The following NXPH2 variants were observed in gnomAD, a reference collection of about 807,000 sequenced individuals.
NXPH2 encodes the protein neurexophilin 2.
NXPH2 carries 5 observed loss-of-function variants against 19.8 expected under a neutral mutation model. The ratio of observed to expected loss-of-function variants is 0.25; its 90% confidence interval spans 0.13 to 0.53. NXPH2 has a LOEUF of 0.53. NXPH2 is among the 20% of genes least tolerant of loss of function. NXPH2 has a pLI of 0.96. For synonymous variants in NXPH2, 154 were observed against 127.4 expected, an observed-to-expected ratio of 1.21 and a Z score of -1.41; for missense variants, 289 against 322.8, an observed-to-expected ratio of 0.90 and a Z score of 0.80.
At chr2:138,727,146 G>A (rs971978858) in intron 1 of NXPH2, among the ~76,000 whole-genome samples, 1 of 152,024 alleles carries the variant, frequency 6.6e-6, no homozygotes, top group Non-Finnish European at 1.5e-5. Flanking sequence ...ATATTCCATT[G>A]TCTGGATGTA....
chr2:138,726,850 A>G (rs747096544), intron 1 of NXPH2, among the ~76,000 whole-genome samples: 1 of 152,198 alleles, frequency 6.6e-6, no homozygotes, highest in East Asian at 1.9e-4. Flanking sequence ...TGTACATTCT[A>G]TGGGTTTGGA....
chr2:138,706,225 G>A (rs979413677), intron 1 of NXPH2, among the ~76,000 whole-genome samples: 1 of 152,182 alleles, frequency 6.6e-6, no homozygotes, highest in African/African-American at 2.4e-5. Context: ...AACCCTGAGA[G>A]GCAGGTATTA....
chr2:138,715,092 G>A (rs772681344), intron 1 of NXPH2, among the ~76,000 whole-genome samples: 2 of 152,118 alleles, frequency 1.3e-5, no homozygotes, highest in African/African-American at 2.4e-5. Flanking sequence ...ACTCTCATCC[G>A]AGCATGCTAA....
chr2:138,752,278 G>A (rs950315479), intron 1 of NXPH2, among the ~76,000 whole-genome samples: 1 of 152,062 alleles, frequency 6.6e-6, no homozygotes, highest in Non-Finnish European at 1.5e-5. Flanking sequence ...GGTTGTGATG[G>A]GGATTGAATG....
At chr2:138,699,188 A>G (rs1357114526) in intron 1 of NXPH2, among the ~76,000 whole-genome samples, 1 of 152,222 alleles carries the variant, frequency 6.6e-6, no homozygotes, top group Non-Finnish European at 1.5e-5. Flanking sequence ...CTACATATGC[A>G]GAGAAAATTG....
At chr2:138,776,947 G>T (rs576366925) in intron 1 of NXPH2, among the ~76,000 whole-genome samples, 1 of 152,034 alleles carries the variant, frequency 6.6e-6, no homozygotes, top group African/African-American at 2.4e-5. Context: ...AACTTACATT[G>T]CTTTTAACTA....
intron 1 of NXPH2, among the ~76,000 whole-genome samples, chr2:138,682,600 T>A (rs192681644): frequency 1.3e-5 from 2 of 152,184 alleles, no homozygotes; most frequent in Non-Finnish European, 2.9e-5. Flanking sequence ...ACAGTGGACA[T>A]CCTTTCTGCT....
chr2:138,723,149 A>C (rs1487762178), intron 1 of NXPH2, among the ~76,000 whole-genome samples: 1 of 149,566 alleles, frequency 6.7e-6, no homozygotes, highest in African/African-American at 2.4e-5. Context: ...AAAGCTAAGC[A>C]ACACAAACAG....
At chr2:138,736,758 C>T (rs1373383959) in intron 1 of NXPH2, among the ~76,000 whole-genome samples, 1 of 152,184 alleles carries the variant, frequency 6.6e-6, no homozygotes, top group Non-Finnish European at 1.5e-5. Context: ...ATGCTATTTC[C>T]CTTTTAAAAC....
chr2:138,729,360 C>T (rs1681410096), intron 1 of NXPH2, among the ~76,000 whole-genome samples: 1 of 152,160 alleles, frequency 6.6e-6, no homozygotes, highest in Non-Finnish European at 1.5e-5. Flanking sequence ...TCTCTCCTGC[C>T]ACCTTGTGAA....
intron 1 of NXPH2, among the ~76,000 whole-genome samples, chr2:138,751,305 A>C (rs1024119398): frequency 6.6e-6 from 1 of 152,180 alleles, no homozygotes; most frequent in Admixed American, 6.6e-5. Flanking sequence ...TAGGGAAGAT[A>C]ATTTTAAGAA....
Position 138,670,727 on chromosome 2 carries a change from G to T in NXPH2, c.*195C>A. ...AAACAGTTTAACTTTTTAGATAAAG[G>T]TACCTACGATAGAAAGAAACAAATT... On this transcript the variant is annotated 3_prime_UTR_variant, in exon 2 of 2. Transcript: ENST00000272641. The T allele has an allele frequency of 2.0e-6, 1 of 511,434 alleles. No homozygotes were observed. The highest frequency in any genetic ancestry group is 3.1e-5 in the East Asian group (1 of 31,870). The allele number at this position is 511,434 out of a possible 1,614,324, so 31.7% of individuals were successfully genotyped here.
At position 138,670,777 on chromosome 2, in the gene NXPH2, C is replaced by CT; in HGVS notation, c.*144dup. The CT allele has an allele frequency of 4.8e-6, 4 of 832,022 alleles. No homozygotes were observed. The highest frequency in any genetic ancestry group is 5.0e-5 in the South Asian group (2 of 39,852). 51.5% of individuals were successfully genotyped at this position (832,022 alleles called of 1,614,324 possible). On this transcript the variant is annotated 3_prime_UTR_variant, in exon 2 of 2. Transcript: ENST00000272641. ...TTCACACTTAAAGATGTCTCTTTTT[C>CT]TTTTTTTAAATTTGAAAACCTGATA...
chr2:138,777,333 A>T (rs550099791), intron 1 of NXPH2, among the ~76,000 whole-genome samples: 2 of 152,124 alleles, frequency 1.3e-5, no homozygotes, highest in South Asian at 2.1e-4. Flanking sequence ...AAGAATTTTT[A>T]AAAAAGGAAT....
At chr2:138,757,839 ATCTATCTATCTATC>A in intron 1 of NXPH2, among the ~76,000 whole-genome samples, 1 of 135,750 alleles carries the variant, frequency 7.4e-6, no homozygotes, top group Non-Finnish European at 1.7e-5. Context: ...CTATCTATCT[ATCTATCTATCTATC>A]TATCTATCTA....
rs75301006 is a variant in NXPH2, at chr2:138,683,356, C to T, written c.52-11691G>A. Among the ~76,000 whole-genome samples the T allele has an allele frequency of 8.5e-4, 129 of 152,014 alleles. 4 individuals are homozygous for T. The East Asian group carries it at 0.024, about 28-fold the overall frequency. ...AGACAACATGAATCTATGTCTTGAC[C>T]GCTAAAAGTTGGCATTTAAAAAGGA... On this transcript the variant is annotated intron_variant, in intron 1 of 1. Transcript: ENST00000272641.
chr2:138,739,604 G>C (rs532024558), intron 1 of NXPH2, among the ~76,000 whole-genome samples: 1 of 152,156 alleles, frequency 6.6e-6, no homozygotes, highest in Non-Finnish European at 1.5e-5. Flanking sequence ...GTGGGACATG[G>C]TGGGGGCAGG....
At chr2:138,733,790 T>C (rs62163217) in intron 1 of NXPH2, among the ~76,000 whole-genome samples, 3 of 152,114 alleles carry the variant, frequency 2.0e-5, no homozygotes, top group Admixed American at 2.0e-4. Flanking sequence ...AAAAATGACA[T>C]TGAGTAATAC....
At chr2:138,712,696 T>C (rs1681122996) in intron 1 of NXPH2, among the ~76,000 whole-genome samples, 1 of 152,102 alleles carries the variant, frequency 6.6e-6, no homozygotes, top group African/African-American at 2.4e-5. Flanking sequence ...TTCTTGAGAG[T>C]TACTTTACTG....
Sources: gnomAD v4.1 joint callset for allele counts (sites outside exome capture counted in the v4.1 genomes callset) on GRCh38, gnomAD v4.1.1 for gene constraint, MANE v1.5 for transcripts, NCBI Gene and HGNC (gene_info 2026-07-23, HGNC 2026-07-21) for gene names.